TMEM231: variants seen among roughly 807,000 people sequenced by gnomAD.
The protein encoded by TMEM231 is transmembrane protein 231.
A neutral mutation model predicts 38.5 loss-of-function variants in TMEM231; 40 were observed. The ratio of observed to expected loss-of-function variants is 1.04; its 90% confidence interval spans 0.81 to 1.35. The LOEUF (loss-of-function observed/expected upper bound fraction) is 1.35, where lower values mean the gene tolerates loss of function less well. Ranked by LOEUF, TMEM231 falls within the 40% of genes most tolerant of loss-of-function variation. TMEM231 has a pLI of 0.00. For missense variants in TMEM231, 420 were observed against 416.9 expected (o/e 1.01, Z -0.07); for synonymous variants, 199 against 181.7 (o/e 1.10, Z -0.77).
intron 6 of TMEM231, among the ~76,000 whole-genome samples, chr16:75,540,410 G>T (rs2080610037): frequency 6.6e-6 from 1 of 152,204 alleles, no homozygotes; most frequent in Non-Finnish European, 1.5e-5. Context: ...TGCCAAACTA[G>T]ATTGATCATG....
rs1010437469 is a variant in TMEM231 at position 75,545,018 on chromosome 16, A to G, written c.582+334T>C. Among the ~76,000 whole-genome samples, 4 of 134,540 alleles carry G rather than the reference A, an allele frequency of 3.0e-5. No homozygotes were observed. In the East Asian group the frequency reaches 6.4e-4, roughly 22 times the overall value. 88.3% of individuals were successfully genotyped at this position (134,540 alleles called of 152,430 possible). A position where few individuals can be genotyped will look rare whatever the true frequency, so the allele number is the denominator to read the frequency against. ...TTGCCCAGGCTGGAGTGCAGTGGCG[A>G]GATCTCAGCTCACTGTAACCTCCAC... On this transcript the variant is annotated intron_variant, in intron 4 of 6. Transcript: ENST00000258173.
In TMEM231 at chr16:75,555,882, G is replaced by A. The variant is rs1239969231; in HGVS notation, c.231C>T (p.Ser77=). 4 of 1,593,968 alleles carry A rather than the reference G, an allele frequency of 2.5e-6. No homozygotes were observed. The South Asian group carries it at 3.4e-5, about 14-fold the overall frequency. Reference sequence around the variant, plus strand: ...ACGTGCTCCAGGCGAGGAACCCGTCGCTTTCGGGTCCGAGCAGGGCCACGA... The same window carrying A: ...ACGTGCTCCAGGCGAGGAACCCGTCACTTTCGGGTCCGAGCAGGGCCACGA... ...VLLVALLGPE[S]DGFLAWSTFP... Residue 77 remains serine (S), a synonymous_variant, in exon 2 of 7, where the codon AGC becomes AGT. Coordinates refer to ENST00000258173, the MANE Select transcript of TMEM231 (RefSeq NM_001077418.3).
chr16:75,553,738 G>C (rs754808658), intron 2 of TMEM231, among the ~76,000 whole-genome samples: 1 of 151,630 alleles, frequency 6.6e-6, no homozygotes, highest in African/African-American at 2.4e-5. Context: ...GCCCACACTG[G>C]CCTTGAACTC....
In TMEM231 at chr16:75,556,189, G is replaced by A. The variant is rs1337289944; in HGVS notation, c.21C>T (p.Phe7=). Residue 7 remains phenylalanine (F), a synonymous_variant, in exon 1 of 7, where the codon TTC becomes TTT. Coordinates refer to ENST00000258173, the MANE Select transcript of TMEM231 (RefSeq NM_001077418.3). MALYEL[F]SHPVERSYRA... ...GGTAACTGCGCTCGACCGGGTGAGA[G>A]AAGAGCTCATAGAGCGCCATGAGCA... 4.0e-6 allele frequency: 6 copies of A among 1,509,662 alleles called. No homozygotes were observed. The highest frequency in any genetic ancestry group is 5.3e-6 in the Non-Finnish European group (6 of 1,133,970). The allele number at this position is 1,509,662 out of a possible 1,614,324, so 93.5% of individuals were successfully genotyped here.
At chr16:75,551,961 C>CA (rs60964840) in intron 2 of TMEM231, among the ~76,000 whole-genome samples, 18,114 of 127,166 alleles carry the variant, frequency 0.14, 2,520 homozygotes, top group East Asian at 0.71. Flanking sequence ...GACTTCATCT[C>CA]AAAAAAAAAA....
chr16:75,545,837 A>G lies in TMEM231; in HGVS notation c.427T>C (p.Tyr143His). The G allele has an allele frequency of 7.7e-7, 1 of 1,293,512 alleles. No individual in the cohort carries two copies. The highest frequency in any genetic ancestry group is 1.0e-6 in the Non-Finnish European group (1 of 957,054). The allele number at this position is 1,293,512 out of a possible 1,614,324, so 80.1% of individuals were successfully genotyped here. A position where few individuals can be genotyped will look rare whatever the true frequency, so the allele number is the denominator to read the frequency against. Residue 143 changes from tyrosine to histidine, a missense_variant, in exon 3 of 7, where the codon TAT becomes CAT. Transcript: ENST00000258173. ...GCGGACTGACTCACGTGTAATCGAT[A>G]GGAGAAAGTCAGGATGAGCTGCACA... ...LGVQLILTFS[Y>H]RLHRMATLVM...
chr16:75,549,032 G>T (rs2080725579), intron 2 of TMEM231, among the ~76,000 whole-genome samples: 1 of 152,110 alleles, frequency 6.6e-6, no homozygotes, highest in Non-Finnish European at 1.5e-5. Flanking sequence ...GGTACCCGTG[G>T]GATCAATGCA....
chr16:75,544,222 C>G (rs555413548), intron 4 of TMEM231, among the ~76,000 whole-genome samples: 1 of 152,284 alleles, frequency 6.6e-6, no homozygotes, highest in East Asian at 1.9e-4. Context: ...AGGGAGACAG[C>G]AAATAAACAC....
At chr16:75,551,723 A>C (rs2080763855) in intron 2 of TMEM231, among the ~76,000 whole-genome samples, 1 of 152,154 alleles carries the variant, frequency 6.6e-6, no homozygotes, top group South Asian at 2.1e-4. Context: ...GCACTTTGGG[A>C]AGCCGAGGTG....
chr16:75,552,696 C>A (rs2080776440), intron 2 of TMEM231, among the ~76,000 whole-genome samples: 1 of 152,166 alleles, frequency 6.6e-6, no homozygotes, highest in African/African-American at 2.4e-5. Context: ...CTAACACCTA[C>A]CTCTTACACA....
chr16:75,546,135 G>C (rs897725518), intron 2 of TMEM231, 181 bp from the exon 3 acceptor site: 1 of 1,527,798 alleles, frequency 6.5e-7, no homozygotes. Flanking sequence ...GACACAAAGT[G>C]CATGGTCCCT....
intron 2 of TMEM231, chr16:75,555,588 T>C (rs907512515): frequency 6.0e-6 from 3 of 503,624 alleles, no homozygotes; most frequent in African/African-American, 2.0e-5. Flanking sequence ...CATGGCTAAC[T>C]TTCTGGGGGC....
Position 75,536,785 on chromosome 16 carries a change from A to G in TMEM231, c.*3209T>C, listed in dbSNP as rs1241123410. The G allele has an allele frequency of 2.0e-5, 3 of 152,204 alleles. No homozygotes were observed. The highest frequency in any genetic ancestry group is 1.9e-4 in the East Asian group (1 of 5,200). 9.4% of individuals were successfully genotyped at this position (152,204 alleles called of 1,614,324 possible). ...ATAAAAGTGTTGTTTGTGATACTAA[A>G]AAGGTTACATACAACAAAAAAGATT... On this transcript the variant is annotated 3_prime_UTR_variant, in exon 7 of 7. Coordinates refer to ENST00000258173, the MANE Select transcript of TMEM231 (RefSeq NM_001077418.3).
At chr16:75,556,016 C>G (rs1346000999) in intron 1 of TMEM231, 43 bp from the exon 2 acceptor site, 1 of 1,575,850 alleles carries the variant, frequency 6.3e-7, no homozygotes, top group East Asian at 2.3e-5. Context: ...GGGAGGCCGG[C>G]CCTGGCCGAG....
In TMEM231 at chr16:75,537,140, G is replaced by C. The variant is rs955742608; in HGVS notation, c.*2854C>G. 6 of 134,476 alleles carry C rather than the reference G, an allele frequency of 4.5e-5. No homozygotes were observed. Among genetic ancestry groups the C allele is most frequent in the Admixed American group, 1.5e-4 (2 of 13,450 alleles). 8.3% of individuals were successfully genotyped at this position (134,476 alleles called of 1,614,324 possible). Reference sequence around the variant, plus strand: ...CTGTCTCAAAAAAAAAAAAAAAAAAGAAAAAGAAAAAGAAAAGAAAAACCA... The same window carrying C: ...CTGTCTCAAAAAAAAAAAAAAAAAACAAAAAGAAAAAGAAAAGAAAAACCA... On this transcript the variant is annotated 3_prime_UTR_variant, in exon 7 of 7. Transcript: ENST00000258173.
intron 2 of TMEM231, among the ~76,000 whole-genome samples, chr16:75,551,920 C>T (rs1003233552): frequency 6.6e-6 from 1 of 151,324 alleles, no homozygotes; most frequent in Non-Finnish European, 1.5e-5. Context: ...AGAGATTGCG[C>T]CACTGCACTC....
intron 6 of TMEM231, among the ~76,000 whole-genome samples, chr16:75,540,762 T>C (rs1014582946): frequency 6.6e-6 from 1 of 152,190 alleles, no homozygotes; most frequent in Non-Finnish European, 1.5e-5. Context: ...GACATAAATA[T>C]GGATGATTCT....
chr16:75,548,082 A>G (rs2080715439), intron 2 of TMEM231, among the ~76,000 whole-genome samples: 1 of 152,178 alleles, frequency 6.6e-6, no homozygotes, highest in East Asian at 1.9e-4. Flanking sequence ...TTCCCATTAC[A>G]CAGATGACAA....
At chr16:75,555,259 C>T (rs1033365294) in intron 2 of TMEM231, 3 of 153,314 alleles carry the variant, frequency 2.0e-5, no homozygotes, top group Non-Finnish European at 2.9e-5. Context: ...TTCAGGATGG[C>T]GCAGTCTCCA....
Sources: gnomAD v4.1 joint callset for allele counts (sites outside exome capture counted in the v4.1 genomes callset) on GRCh38, gnomAD v4.1.1 for gene constraint, MANE v1.5 for transcripts, NCBI Gene and HGNC (gene_info 2026-07-23, HGNC 2026-07-21) for gene names.